Variants in SEMA5A observed in about 807,000 individuals in gnomAD.
SEMA5A encodes semaphorin 5A, also known as semaphorin-5A.
A neutral mutation model predicts 135.5 loss-of-function variants in SEMA5A; 55 were observed. The ratio of observed to expected loss-of-function variants is 0.41; its 90% CI spans 0.33 to 0.51. SEMA5A has a LOEUF of 0.51. Ranked by LOEUF, SEMA5A falls within the 20% of genes least tolerant of loss-of-function variation. The pLI is 0.37. For synonymous variants in SEMA5A, 580 were observed against 546.5 expected, an observed-to-expected ratio of 1.06 and a Z score of -0.85; for missense variants, 1,290 against 1,419.9, an observed-to-expected ratio of 0.91 and a Z score of 1.47.
At chr5:9,137,424 G>A (rs1030533053) in intron 12 of SEMA5A, among the ~76,000 whole-genome samples, 2 of 152,132 alleles carry the variant, frequency 1.3e-5, no homozygotes, top group African/African-American at 4.8e-5. Context: ...ATTAGATGAG[G>A]GCTGTGGCCT....
intron 2 of SEMA5A, among the ~76,000 whole-genome samples, chr5:9,431,793 C>T (rs1008590380): frequency 1.3e-5 from 2 of 152,148 alleles, no homozygotes; most frequent in East Asian, 3.8e-4. Flanking sequence ...AGCAATTAAC[C>T]CCACACACAT....
intron 13 of SEMA5A, among the ~76,000 whole-genome samples, chr5:9,123,815 G>A (rs1186588702): frequency 1.3e-5 from 2 of 152,114 alleles, no homozygotes; most frequent in Non-Finnish European, 2.9e-5. Flanking sequence ...ACTTCTAAGA[G>A]CTTACGGGCC....
intron 1 of SEMA5A, among the ~76,000 whole-genome samples, chr5:9,450,086 C>T (rs1445425130): frequency 6.6e-6 from 1 of 152,150 alleles, no homozygotes; most frequent in Non-Finnish European, 1.5e-5. Context: ...GATGTCTCCC[C>T]TCTTCCTGTC....
chr5:9,086,799 A>G (rs1039855764), intron 16 of SEMA5A, among the ~76,000 whole-genome samples: 3 of 152,162 alleles, frequency 2.0e-5, no homozygotes, highest in African/African-American at 4.8e-5. Flanking sequence ...TGATAGATTT[A>G]TTTCTGAGAT....
intron 1 of SEMA5A, among the ~76,000 whole-genome samples, chr5:9,543,836 GAA>G (rs10535269): frequency 0.57 from 81,771 of 144,610 alleles, 22,997 homozygotes; most frequent in South Asian, 0.66. Context: ...TATTTTTCAT[GAA>G]AAAAAAAAAA....
intron 1 of SEMA5A, among the ~76,000 whole-genome samples, chr5:9,542,402 G>T (rs1039276714): frequency 6.6e-6 from 1 of 152,312 alleles, no homozygotes; most frequent in African/African-American, 2.4e-5. Flanking sequence ...CAAGACAACT[G>T]AAAGTACTTA....
At chr5:9,467,769 G>A (rs1020022107) in intron 1 of SEMA5A, among the ~76,000 whole-genome samples, 2 of 152,182 alleles carry the variant, frequency 1.3e-5, no homozygotes, top group East Asian at 1.9e-4. Flanking sequence ...GCCTAAGCCC[G>A]CCCTGGCCCA....
intron 16 of SEMA5A, among the ~76,000 whole-genome samples, chr5:9,093,767 C>T (rs1472832829): frequency 1.3e-5 from 2 of 152,156 alleles, no homozygotes; most frequent in East Asian, 3.9e-4. Context: ...CAAGCCCTTT[C>T]AGGAATGATG....
intron 14 of SEMA5A, among the ~76,000 whole-genome samples, chr5:9,121,175 A>G (rs949174607): frequency 1.3e-5 from 2 of 152,216 alleles, no homozygotes; most frequent in Non-Finnish European, 2.9e-5. Flanking sequence ...AGTAATAGGA[A>G]AAGAATATCT....
At chr5:9,230,585 T>C (rs1747574560) in intron 6 of SEMA5A, among the ~76,000 whole-genome samples, 1 of 152,192 alleles carries the variant, frequency 6.6e-6, no homozygotes, top group Non-Finnish European at 1.5e-5. Flanking sequence ...CATCCCCATG[T>C]GTCACTGGTG....
In SEMA5A at chr5:9,540,223, T is replaced by C. The variant is rs530144484; in HGVS notation, c.-175+5361A>G. ...GCTGCGAACAAAACAGTCTCATTGG[T>C]CTCCTAAGCTGACATTCTGTATCAG... On this transcript the variant is annotated intron_variant, in intron 1 of 22. Transcript: ENST00000382496. Among the ~76,000 whole-genome samples, 17 of 152,230 alleles carry C rather than the reference T, an allele frequency of 1.1e-4. No individual in the cohort carries two copies. In the South Asian group the frequency reaches 2.9e-3, roughly 26 times the overall value.
intron 2 of SEMA5A, among the ~76,000 whole-genome samples, chr5:9,436,871 G>C (rs1488950610): frequency 6.6e-6 from 1 of 152,104 alleles, no homozygotes. Flanking sequence ...CTTCAGAAAG[G>C]CTCCTGTGAA....
At chr5:9,506,967 T>C (rs1442517843) in intron 1 of SEMA5A, among the ~76,000 whole-genome samples, 1 of 143,596 alleles carries the variant, frequency 7.0e-6, no homozygotes, top group Non-Finnish European at 1.5e-5. Context: ...TGGTTTCTTT[T>C]AAGTTTGCTA....
chr5:9,352,917 C>A (rs1754192293), intron 3 of SEMA5A, among the ~76,000 whole-genome samples: 1 of 151,854 alleles, frequency 6.6e-6, no homozygotes, highest in Admixed American at 6.6e-5. Flanking sequence ...TTACCTTTTA[C>A]AGAATAAAAC....
chr5:9,432,448 C>T (rs930283355), intron 2 of SEMA5A, among the ~76,000 whole-genome samples: 1 of 152,154 alleles, frequency 6.6e-6, no homozygotes, highest in East Asian at 1.9e-4. Context: ...ACTCAGCAAG[C>T]ACTTTTTTTT....
At chr5:9,206,958 G>A (rs1348570943) in intron 8 of SEMA5A, among the ~76,000 whole-genome samples, 1 of 146,390 alleles carries the variant, frequency 6.8e-6, no homozygotes, top group East Asian at 2.1e-4. Context: ...ATCGTGTACA[G>A]GCATTTTCCA....
intron 1 of SEMA5A, among the ~76,000 whole-genome samples, chr5:9,473,124 T>TAC (rs60668596): frequency 1.4e-5 from 2 of 144,840 alleles, no homozygotes; most frequent in Non-Finnish European, 3.0e-5. Context: ...CAAAATAAAA[T>TAC]ATATATATAT....
intron 1 of SEMA5A, among the ~76,000 whole-genome samples, chr5:9,452,840 C>T (rs1312090152): frequency 6.6e-6 from 1 of 152,126 alleles, no homozygotes; most frequent in African/African-American, 2.4e-5. Flanking sequence ...GACAATAATG[C>T]CATCAGGAGG....
intron 2 of SEMA5A, among the ~76,000 whole-genome samples, chr5:9,435,617 C>G (rs1758001590): frequency 6.6e-6 from 1 of 152,180 alleles, no homozygotes; most frequent in South Asian, 2.1e-4. Context: ...ATTCACTATA[C>G]TATGAGGTCT....
Sources: gnomAD v4.1 joint callset for allele counts (sites outside exome capture counted in the v4.1 genomes callset) on GRCh38, gnomAD v4.1.1 for gene constraint, MANE v1.5 for transcripts, NCBI Gene and HGNC (gene_info 2026-07-23, HGNC 2026-07-21) for gene names.